The following CNOT1 variants were observed in gnomAD, a reference collection of about 807,000 sequenced individuals.
The protein encoded by CNOT1 is CCR4-associated factor 1.
In CNOT1, 15 loss-of-function variants were observed where a neutral mutation model predicts 273.8. The ratio of observed to expected loss-of-function variants is 0.05; its 90% CI spans 0.04 to 0.08. CNOT1 has a LOEUF of 0.08. CNOT1 is among the 10% of genes least tolerant of loss of function. The probability of loss-of-function intolerance (pLI) is 1.00; values close to 1 mark genes in which losing one functional copy is unlikely to be tolerated. For missense variants in CNOT1, 1,644 were observed against 2,912.2 expected, an observed-to-expected ratio of 0.56 and a Z score of 10.02; for synonymous variants, 1,022 against 1,005.5, an observed-to-expected ratio of 1.02 and a Z score of -0.31.
chr16:58,542,590 G>C (rs1268479336), intron 31 of CNOT1, 22 bp from the exon 32 acceptor site: 3 of 1,525,520 alleles, frequency 2.0e-6, no homozygotes, highest in South Asian at 2.3e-5. Flanking sequence ...GGTGGGTGGG[G>C]GGGTGGGGGG....
rs1417937606 is a variant in CNOT1 at position 58,545,421 on chromosome 16, G to A, written c.4077C>T (p.Tyr1359=). The part of the protein sequence containing the change: ...ATVPPQPQYS[Y]HDINVYSLAG... ...CAAGGGAATAGACATTGATGTCGTG[G>A]TAGCTGTACTGTGGCTGTGGTGGAA... The change falls in exon 30 of 49, where the codon TAC becomes TAT. Residue 1359 remains tyrosine (Y), a synonymous_variant. Coordinates refer to ENST00000317147, the MANE Select transcript of CNOT1 (RefSeq NM_016284.5). The A allele has an allele frequency of 8.1e-6, 13 of 1,614,152 alleles. No homozygotes were observed. The highest frequency in any genetic ancestry group is 1.1e-5 in the Non-Finnish European group (13 of 1,179,974).
intron 2 of CNOT1, among the ~76,000 whole-genome samples, chr16:58,593,568 G>C (rs1321286019): frequency 7.2e-6 from 1 of 139,828 alleles, no homozygotes; most frequent in African/African-American, 2.7e-5. Context: ...CGTCTCAAGG[G>C]AAAAAAAAAA....
In CNOT1 at chr16:58,616,175, C is replaced by T. The variant is rs183200209; in HGVS notation, c.-175+13553G>A. Among the ~76,000 whole-genome samples the T allele has an allele frequency of 1.4e-4, 18 of 125,268 alleles. 2 individuals are homozygous for T. In the East Asian group the frequency reaches 2.4e-3, roughly 16 times the overall value. 82.2% of individuals were successfully genotyped at this position (125,268 alleles called of 152,430 possible). A position where few individuals can be genotyped will look rare whatever the true frequency, so the allele number is the denominator to read the frequency against. Reference sequence around the variant, plus strand: ...AGGCTGGAGTGCAGTGTCATGATCTCGGCTCACTGCAACCTCCGCCTCCCG... The same window carrying T: ...AGGCTGGAGTGCAGTGTCATGATCTTGGCTCACTGCAACCTCCGCCTCCCG... On this transcript the variant is annotated intron_variant, in intron 1 of 48. Coordinates refer to ENST00000317147, the MANE Select transcript of CNOT1 (RefSeq NM_016284.5).
At chr16:58,599,641 T>C (rs1181038482) in intron 1 of CNOT1, 130 bp from the exon 2 acceptor site, 13 of 448,062 alleles carry the variant, frequency 2.9e-5, no homozygotes, top group South Asian at 7.1e-5. Flanking sequence ...TAGAAGAGAA[T>C]AGGGTTAAAC....
chr16:58,620,371 T>G (rs2043262642), intron 1 of CNOT1, among the ~76,000 whole-genome samples: 1 of 152,150 alleles, frequency 6.6e-6, no homozygotes, highest in Non-Finnish European at 1.5e-5. Context: ...CTGGGTGCGG[T>G]GGCTCAAACC....
chr16:58,598,340 G>A (rs2042335292), intron 2 of CNOT1, among the ~76,000 whole-genome samples: 1 of 150,332 alleles, frequency 6.7e-6, no homozygotes, highest in Non-Finnish European at 1.5e-5. Context: ...GGTGGTTGCA[G>A]TGAGCTGAGA....
At chr16:58,625,431 GA>G (rs2043526118) in intron 1 of CNOT1, among the ~76,000 whole-genome samples, 1 of 152,120 alleles carries the variant, frequency 6.6e-6, no homozygotes, top group Admixed American at 6.6e-5. Flanking sequence ...AGAATCACTT[GA>G]ACCCAGGAGC....
chr16:58,628,599 TAAAAA>T (rs11394544), intron 1 of CNOT1, among the ~76,000 whole-genome samples: 2 of 141,154 alleles, frequency 1.4e-5, no homozygotes, highest in Admixed American at 7.2e-5. Flanking sequence ...ATCACTGACT[TAAAAA>T]AAAAAAAAAA....
chr16:58,523,696 G>A, intron 46 of CNOT1, 194 bp from the exon 47 acceptor site: 1 of 458,350 alleles, frequency 2.2e-6, no homozygotes, highest in Non-Finnish European at 3.9e-6. Context: ...TTAGAAATTA[G>A]ATTTTAAAAA....
intron 43 of CNOT1, among the ~76,000 whole-genome samples, chr16:58,529,579 T>G (rs959543348): frequency 2.0e-5 from 3 of 152,182 alleles, no homozygotes; most frequent in Non-Finnish European, 4.4e-5. Context: ...GGCTCACGCC[T>G]GTAATCTCAG....
chr16:58,593,860 ATAG>A (rs1425673349), intron 2 of CNOT1, among the ~76,000 whole-genome samples: 16 of 152,380 alleles, frequency 1.1e-4, no homozygotes, highest in Admixed American at 5.2e-4. Context: ...AAATATCTAT[ATAG>A]TAGAATATTA....
chr16:58,611,202 G>A (rs1159904047), intron 1 of CNOT1, among the ~76,000 whole-genome samples: 5 of 151,894 alleles, frequency 3.3e-5, no homozygotes, highest in Non-Finnish European at 5.9e-5. Flanking sequence ...GCTGAGGCGG[G>A]TGGACTGCCT....
At chr16:58,532,767 A>G (rs37061) in intron 40 of CNOT1, 43,131 of 176,028 alleles carry the variant, frequency 0.25, 5,805 homozygotes, top group East Asian at 0.37. Context: ...ATTTACTCCT[A>G]TCTTGGCATT....
Position 58,543,905 on chromosome 16 carries a change from T to TG in CNOT1, c.4138-3dup, listed in dbSNP as rs769038761. On this transcript the variant is annotated splice_polypyrimidine_tract_variant and splice_region_variant and intron_variant, in intron 30 of 48. Coordinates refer to ENST00000317147, the MANE Select transcript of CNOT1 (RefSeq NM_016284.5). ...TGGATGGGCCTGAAACAAGGGAATC[T>TG]GGGGGGTTGGGGAGGACAAAGTCAA... 6.3e-7 allele frequency: 1 copy of TG among 1,593,548 alleles called. No homozygotes were observed. The highest frequency in any genetic ancestry group is 8.6e-7 in the Non-Finnish European group (1 of 1,167,594).
In CNOT1 at chr16:58,530,464, C is replaced by T. The variant is rs2039742894; in HGVS notation, c.6178-117G>A. ...TTCATGCTAATATAAGTAGAGAATA[C>T]TAATGTTAAGTACTTTTACAAAAGA... On this transcript the variant is annotated intron_variant, in intron 42 of 48. Transcript: ENST00000317147. 4 of 637,700 alleles carry T rather than the reference C, an allele frequency of 6.3e-6. No homozygotes were observed. The East Asian group carries it at 1.1e-4, about 18-fold the overall frequency. The allele number at this position is 637,700 out of a possible 1,614,324, so 39.5% of individuals were successfully genotyped here.
intron 40 of CNOT1, 150 bp downstream of exon 40, chr16:58,533,997 C>T: frequency 4.7e-6 from 5 of 1,074,858 alleles, no homozygotes; most frequent in Non-Finnish European, 4.6e-6. Flanking sequence ...TGGCTCATGC[C>T]TGTATTCCCA....
chr16:58,618,850 T>C (rs574144332), intron 1 of CNOT1, among the ~76,000 whole-genome samples: 7 of 152,136 alleles, frequency 4.6e-5, no homozygotes, highest in Non-Finnish European at 5.9e-5. Context: ...TTCAATAACT[T>C]GTAACATTTA....
chr16:58,539,263 G>A (rs2040003197), intron 35 of CNOT1, among the ~76,000 whole-genome samples: 1 of 152,026 alleles, frequency 6.6e-6, no homozygotes, highest in South Asian at 2.1e-4. Flanking sequence ...GGAGGCTCAG[G>A]AGGGAGGGCC....
Position 58,547,593 on chromosome 16 carries a change from T to C in CNOT1, c.3612A>G (p.Leu1204=), listed in dbSNP as rs1353134592. 1.9e-6 allele frequency: 3 copies of C among 1,613,444 alleles called. No individual in the cohort carries two copies. Among genetic ancestry groups the C allele is most frequent in the African/African-American group, 2.7e-5 (2 of 74,922 alleles). ...NLGHWLGMIT[L]AKNKPILHTD... is the part of the protein sequence containing the mutation. ...TGTGTAAGATGGGTTTGTTTTTAGC[T>C]AATGTGATCATTCCTAGCCAATGTC... The change falls in exon 26 of 49, where the codon TTA becomes TTG. Residue 1204 remains leucine, a synonymous_variant. Transcript: ENST00000317147. This position sits in a 1 kb window ranked among gnomAD's most constrained non-coding sequence, Gnocchi z 4.0.
Sources: allele counts gnomAD v4.1 joint callset (sites outside exome capture counted in the v4.1 genomes callset), GRCh38; gene constraint gnomAD v4.1.1; non-coding constraint Gnocchi (gnomAD v3.1); transcripts MANE v1.5; gene names NCBI Gene and HGNC (gene_info 2026-07-23, HGNC 2026-07-21).